The following TM4SF4 variants were observed in gnomAD, a reference collection of about 807,000 sequenced individuals.
The protein encoded by TM4SF4 is transmembrane 4 L six family member 4, also known as transmembrane 4 L6 family member 4.
TM4SF4 carries 24 observed loss-of-function variants against 24.1 expected under a neutral mutation model. That is an observed-to-expected ratio of 1.00 (90% CI 0.72 to 1.40). TM4SF4 has a LOEUF of 1.40. Among genes scored for constraint, TM4SF4 ranks in the 40% most tolerant of loss-of-function variants. TM4SF4 has a pLI of 0.00. For missense variants in TM4SF4, 254 were observed against 254.2 expected, an observed-to-expected ratio of 1.00 and a Z score of 0.01; for synonymous variants, 113 against 97.0, an observed-to-expected ratio of 1.17 and a Z score of -0.97.
At chr3:149,495,496 A>G (rs533067463) in intron 3 of TM4SF4, 8 of 422,008 alleles carry the variant, frequency 1.9e-5, no homozygotes, top group East Asian at 1.7e-4. Context: ...CGTTACAACT[A>G]AAGTCTGTTG....
chr3:149,488,993 G>C (rs1048322334), intron 3 of TM4SF4, among the ~76,000 whole-genome samples: 2 of 152,204 alleles, frequency 1.3e-5, no homozygotes, highest in Non-Finnish European at 2.9e-5. Context: ...CTAGTTCTCT[G>C]TGATACATGG....
At chr3:149,493,678 C>G (rs545343457) in intron 3 of TM4SF4, among the ~76,000 whole-genome samples, 3 of 152,342 alleles carry the variant, frequency 2.0e-5, no homozygotes, top group Admixed American at 6.5e-5. Flanking sequence ...GGGACAGAGA[C>G]AGTGGCACAT....
At chr3:149,495,949 G>A (rs1005665668) in intron 3 of TM4SF4, 6 of 266,500 alleles carry the variant, frequency 2.3e-5, no homozygotes, top group Admixed American at 2.0e-4. Context: ...CAAGAAGGTT[G>A]CTGACCAGAA....
Position 149,499,656 on chromosome 3 carries a change from A to G in TM4SF4, c.591+745A>G, listed in dbSNP as rs1208081159. On this transcript the variant is annotated intron_variant, in intron 4 of 4. Coordinates refer to ENST00000305354, the MANE Select transcript of TM4SF4 (RefSeq NM_004617.4). ...GGATTATGTAAATATATGTAAATAA[A>G]GGTCTATTCACTTAATATTATGGTA... Among the ~76,000 whole-genome samples the G allele has an allele frequency of 2.7e-5, 4 of 149,962 alleles. No homozygotes were observed. The East Asian group carries it at 9.3e-4, about 35-fold the overall frequency.
At chr3:149,490,126 G>C (rs1350093630) in intron 3 of TM4SF4, among the ~76,000 whole-genome samples, 1 of 152,178 alleles carries the variant, frequency 6.6e-6, no homozygotes, top group Non-Finnish European at 1.5e-5. Flanking sequence ...TTTGTGCAAG[G>C]TATAAAATAT....
At chr3:149,495,123 C>A in intron 3 of TM4SF4, 1 of 254,870 alleles carries the variant, frequency 3.9e-6, no homozygotes. Context: ...CAGAGCCCCT[C>A]TACAGCCAGA....
chr3:149,475,452 C>T (rs189303313), intron 1 of TM4SF4, among the ~76,000 whole-genome samples: 34 of 152,316 alleles, frequency 2.2e-4, no homozygotes, highest in Admixed American at 1.2e-3. Context: ...TCGTCTTCCA[C>T]TTAGGACCTA....
At chr3:149,478,569 G>A (rs1015449601) in intron 2 of TM4SF4, among the ~76,000 whole-genome samples, 1 of 152,194 alleles carries the variant, frequency 6.6e-6, no homozygotes, top group African/African-American at 2.4e-5. Context: ...TGTGGAACCT[G>A]CCCTTGGCAT....
chr3:149,496,027 T>C, intron 3 of TM4SF4: 1 of 237,392 alleles, frequency 4.2e-6, no homozygotes, highest in Admixed American at 4.1e-5. Flanking sequence ...TCCTAACACC[T>C]GCCACTACAG....
At chr3:149,477,376 G>A (rs928660961) in intron 2 of TM4SF4, among the ~76,000 whole-genome samples, 5 of 152,308 alleles carry the variant, frequency 3.3e-5, no homozygotes, top group Non-Finnish European at 1.5e-5. Flanking sequence ...AGTTTCTCCT[G>A]TAATCTCCCA....
Position 149,498,796 on chromosome 3 carries a change from T to A in TM4SF4, c.476T>A (p.Leu159His), listed in dbSNP as rs1466576742. 6.2e-7 allele frequency: 1 copy of A among 1,613,996 alleles called. No individual in the cohort carries two copies. Among genetic ancestry groups the A allele is most frequent in the Admixed American group, 1.7e-5 (1 of 60,018 alleles). The change falls in exon 4 of 5, where the codon CTC becomes CAC. Residue 159 changes from leucine (L) to histidine (H), a missense_variant. Transcript: ENST00000305354. ...PLNVVPWNLT[L>H]FSILLVVGGI... ...AATGTGGTTCCCTGGAATCTGACCC[T>A]CTTCTCCATCCTGCTGGTCGTAGGA...
At chr3:149,475,192 A>G in intron 1 of TM4SF4, 141 bp downstream of exon 1, 1 of 914,154 alleles carries the variant, frequency 1.1e-6, no homozygotes, top group East Asian at 2.8e-5. Context: ...TCAATGCCTT[A>G]ATTTTTTTCT....
At chr3:149,487,506 C>T (rs1174342587) in intron 2 of TM4SF4, 113 bp from the exon 3 acceptor site, 1 of 1,331,332 alleles carries the variant, frequency 7.5e-7, no homozygotes, top group Non-Finnish European at 1.1e-6. Context: ...AAGACTAGCT[C>T]CTACTCCATA....
At chr3:149,496,496 A>C (rs1734313300) in intron 3 of TM4SF4, among the ~76,000 whole-genome samples, 1 of 152,220 alleles carries the variant, frequency 6.6e-6, no homozygotes, top group African/African-American at 2.4e-5. Flanking sequence ...TGAAAAGAAC[A>C]ATCGGCCAGA....
chr3:149,484,013 G>A (rs940918750), intron 2 of TM4SF4, among the ~76,000 whole-genome samples: 3 of 151,946 alleles, frequency 2.0e-5, no homozygotes, highest in African/African-American at 7.3e-5. Context: ...ACTCCTGGGC[G>A]CAAGTGATAT....
intron 4 of TM4SF4, among the ~76,000 whole-genome samples, chr3:149,501,447 T>C (rs1421029890): frequency 6.6e-6 from 1 of 152,246 alleles, no homozygotes; most frequent in Non-Finnish European, 1.5e-5. Flanking sequence ...TGAACACCTG[T>C]ATACTTTCAC....
chr3:149,486,925 C>T lies in TM4SF4; in HGVS notation c.265-694C>T, dbSNP rs1734125977. Reference sequence around the variant, plus strand: ...CCTGTCACATGAGACATCACAGTGACTGGCCTTAGCAGGATAATTTGACCA... The same window carrying T: ...CCTGTCACATGAGACATCACAGTGATTGGCCTTAGCAGGATAATTTGACCA... On this transcript the variant is annotated intron_variant, in intron 2 of 4. Coordinates refer to ENST00000305354, the MANE Select transcript of TM4SF4 (RefSeq NM_004617.4). 2.0e-5 allele frequency among the ~76,000 whole-genome samples: 3 copies of T among 152,292 alleles called. 1 individual carries two copies. In the South Asian group the frequency reaches 6.2e-4, roughly 32 times the overall value.
Position 149,502,780 on chromosome 3 carries a change from TC to T in TM4SF4, c.*89del. ...TTCTTCTCTTCTTGGAATTATTAATTCCTATCTGCTTCCTAGCTGATAAAGC... is the reference window on the plus strand; with the variant it reads ...TTCTTCTCTTCTTGGAATTATTAATTCTATCTGCTTCCTAGCTGATAAAGC... On this transcript the variant is annotated 3_prime_UTR_variant, in exon 5 of 5. Transcript: ENST00000305354. 1.0e-6 allele frequency: 1 copy of T among 970,508 alleles called. No individual in the cohort carries two copies. Among genetic ancestry groups the T allele is most frequent in the Non-Finnish European group, 1.6e-6 (1 of 608,508 alleles). The allele number at this position is 970,508 out of a possible 1,614,324, so 60.1% of individuals were successfully genotyped here. A position where few individuals can be genotyped will look rare whatever the true frequency, so the allele number is the denominator to read the frequency against.
chr3:149,479,370 T>TC (rs1335506789), intron 2 of TM4SF4, among the ~76,000 whole-genome samples: 4 of 151,302 alleles, frequency 2.6e-5, no homozygotes, highest in Admixed American at 6.6e-5. Context: ...TCTTTTCTTT[T>TC]TTTTTTTTTT....
Sources: gnomAD v4.1 joint callset for allele counts (sites outside exome capture counted in the v4.1 genomes callset) on GRCh38, gnomAD v4.1.1 for gene constraint, MANE v1.5 for transcripts, NCBI Gene and HGNC (gene_info 2026-07-23, HGNC 2026-07-21) for gene names.